NARS2: variants seen among roughly 807,000 people sequenced by gnomAD.
NARS2 encodes asparaginyl-tRNA synthetase 2, mitochondrial, also known as asparaginyl-tRNA synthetase.
Under a neutral mutation model 62.9 loss-of-function variants are expected in NARS2, and 60 were observed. The observed-to-expected ratio is 0.95, with a 90% CI of 0.77 to 1.18. The LOEUF is 1.18. Among genes scored for constraint, NARS2 ranks in the 50% most tolerant of loss-of-function variants. NARS2 has a pLI of 0.00. For synonymous variants in NARS2, 196 were observed against 200.0 expected, an observed-to-expected ratio of 0.98 and a Z score of 0.17; for missense variants, 619 against 576.4, an observed-to-expected ratio of 1.07 and a Z score of -0.76.
intron 3 of NARS2, 52 bp downstream of exon 3, chr11:78,568,580 G>A: frequency 6.4e-7 from 1 of 1,562,812 alleles, no homozygotes; most frequent in Non-Finnish European, 8.7e-7. Flanking sequence ...AAAACAGATT[G>A]CTGTCTTAAT....
intron 11 of NARS2, among the ~76,000 whole-genome samples, chr11:78,460,040 T>G (rs768532300): frequency 1.3e-5 from 2 of 152,038 alleles, no homozygotes; most frequent in Non-Finnish European, 2.9e-5. Context: ...ATTGAAGGAA[T>G]AATATACGCA....
chr11:78,561,640 T>C (rs1856558413), intron 4 of NARS2, among the ~76,000 whole-genome samples: 1 of 152,244 alleles, frequency 6.6e-6, no homozygotes, highest in African/African-American at 2.4e-5. Context: ...GATTATCTTT[T>C]TCTTTCACGT....
chr11:78,561,521 ATATTTT>A (rs1269752354), intron 4 of NARS2, among the ~76,000 whole-genome samples: 2 of 152,242 alleles, frequency 1.3e-5, no homozygotes, highest in Non-Finnish European at 2.9e-5. Context: ...AAGTATTTAA[ATATTTT>A]AATACACATT....
At chr11:78,439,127 TC>T (rs1565198971) in intron 13 of NARS2, among the ~76,000 whole-genome samples, 1 of 152,024 alleles carries the variant, frequency 6.6e-6, no homozygotes, top group African/African-American at 2.4e-5. Flanking sequence ...AACATCCATC[TC>T]CCAGGTTCAA....
intron 9 of NARS2, among the ~76,000 whole-genome samples, chr11:78,477,983 A>C (rs924525130): frequency 6.6e-6 from 1 of 152,186 alleles, no homozygotes; most frequent in African/African-American, 2.4e-5. Context: ...GGAGAACTCT[A>C]ATACACAGTC....
intron 11 of NARS2, among the ~76,000 whole-genome samples, chr11:78,446,800 A>ATGAC (rs1857776635): frequency 6.6e-6 from 1 of 152,144 alleles, no homozygotes; most frequent in South Asian, 2.1e-4. Context: ...TTTTTTGGAG[A>ATGAC]TGACTCCAAA....
At chr11:78,458,773 G>A (rs1858266502) in intron 11 of NARS2, among the ~76,000 whole-genome samples, 4 of 152,216 alleles carry the variant, frequency 2.6e-5, no homozygotes, top group Admixed American at 2.0e-4. Context: ...TGGTTTTGCT[G>A]GGTGTCCCCA....
chr11:78,450,886 T>TGGGC (rs1343401511), intron 11 of NARS2, among the ~76,000 whole-genome samples: 1 of 144,196 alleles, frequency 6.9e-6, no homozygotes, highest in South Asian at 2.3e-4. Context: ...TTCACCATGT[T>TGGGC]GGGCAGGCAG....
intron 4 of NARS2, among the ~76,000 whole-genome samples, chr11:78,563,905 A>G (rs1856652538): frequency 7.9e-6 from 1 of 126,382 alleles, no homozygotes; most frequent in African/African-American, 2.9e-5. Flanking sequence ...TATTATTATT[A>G]TTATTATTAT....
chr11:78,446,652 A>T (rs940576495), intron 11 of NARS2, among the ~76,000 whole-genome samples: 3 of 152,202 alleles, frequency 2.0e-5, no homozygotes, highest in Non-Finnish European at 4.4e-5. Flanking sequence ...AGTATCCTTG[A>T]AACAGAGCAT....
intron 5 of NARS2, among the ~76,000 whole-genome samples, chr11:78,549,034 G>A (rs2135485248): frequency 6.6e-6 from 1 of 152,322 alleles, no homozygotes; most frequent in East Asian, 1.9e-4. Flanking sequence ...CAGCATGCAG[G>A]CATTTCTCCC....
chr11:78,525,370 C>T (rs1861259486), intron 6 of NARS2, among the ~76,000 whole-genome samples: 1 of 151,894 alleles, frequency 6.6e-6, no homozygotes, highest in Non-Finnish European at 1.5e-5. Context: ...TGTCAAACAA[C>T]AAACAAAGCT....
intron 5 of NARS2, among the ~76,000 whole-genome samples, chr11:78,549,104 A>G (rs1038057158): frequency 3.3e-5 from 5 of 152,142 alleles, no homozygotes; most frequent in African/African-American, 1.2e-4. Context: ...TGAGAGGTGG[A>G]GCCTCCCTTC....
intron 6 of NARS2, among the ~76,000 whole-genome samples, chr11:78,519,703 G>GT (rs200566633): frequency 0.11 from 15,133 of 144,116 alleles, 2,231 homozygotes; most frequent in African/African-American, 0.33. Flanking sequence ...TAGTTGTTGA[G>GT]TTTTTTTTTT....
In NARS2 at chr11:78,436,808, C is replaced by T. The variant is rs757306471; in HGVS notation, c.1296G>A (p.Leu432=). 25 of 1,613,456 alleles carry T rather than the reference C, an allele frequency of 1.5e-5. No individual in the cohort carries two copies. The highest frequency in any genetic ancestry group is 2.5e-6 in the Non-Finnish European group (3 of 1,179,824). The stretch of plus-strand genomic sequence containing the variant: ...GCACAGATCCAAATCGACGAAGGTC[C>T]AGATACCTGTTTTTCAAAAATAGAA... ...SGLTEVYQWY[L]DLRRFGSVPH... Residue 432 remains leucine (L), a synonymous_variant, in exon 14 of 14, where the codon CTG becomes CTA. Transcript: ENST00000281038.
At chr11:78,468,674 G>C (rs760049288) in intron 10 of NARS2, among the ~76,000 whole-genome samples, 19 of 152,036 alleles carry the variant, frequency 1.2e-4, no homozygotes, top group Non-Finnish European at 2.6e-4. Flanking sequence ...AAAGTACTGG[G>C]ATTACAGGTG....
intron 11 of NARS2, among the ~76,000 whole-genome samples, chr11:78,449,715 A>G: frequency 6.6e-6 from 1 of 152,166 alleles, no homozygotes; most frequent in East Asian, 1.9e-4. Flanking sequence ...TGGAGGCCTC[A>G]ACTGTGCACT....
Position 78,436,567 on chromosome 11 carries a change from T to C in NARS2, c.*103A>G, listed in dbSNP as rs928028101. 1.6e-5 allele frequency: 21 copies of C among 1,273,238 alleles called. No homozygotes were observed. Among genetic ancestry groups the C allele is most frequent in the Non-Finnish European group, 2.3e-5 (21 of 915,088 alleles). The allele number at this position is 1,273,238 out of a possible 1,614,324, so 78.9% of individuals were successfully genotyped here. Reference sequence around the variant, plus strand: ...TATCTTATGGCACAACAATTACATATTGAAATCTGCATTTCTAAAATCCAA... The same window carrying C: ...TATCTTATGGCACAACAATTACATACTGAAATCTGCATTTCTAAAATCCAA... On this transcript the variant is annotated 3_prime_UTR_variant, in exon 14 of 14. Coordinates refer to ENST00000281038, the MANE Select transcript of NARS2 (RefSeq NM_024678.6).
At chr11:78,571,931 C>G (rs1459541596) in intron 1 of NARS2, among the ~76,000 whole-genome samples, 1 of 152,146 alleles carries the variant, frequency 6.6e-6, no homozygotes, top group African/African-American at 2.4e-5. Context: ...ACAGAAATCT[C>G]AGCACTTTGG....
Sources: gnomAD v4.1 joint callset for allele counts (sites outside exome capture counted in the v4.1 genomes callset) on GRCh38, gnomAD v4.1.1 for gene constraint, MANE v1.5 for transcripts, NCBI Gene and HGNC (gene_info 2026-07-23, HGNC 2026-07-21) for gene names.